CYYR1: variants seen among roughly 807,000 people sequenced by gnomAD.
CYYR1 encodes the protein cysteine and tyrosine-rich protein 1.
CYYR1 carries 14 observed loss-of-function variants against 15.2 expected under a neutral mutation model. The observed-to-expected ratio is 0.92, with a 90% CI of 0.61 to 1.44. The LOEUF (loss-of-function observed/expected upper bound fraction) is 1.44. CYYR1 is among the 40% of genes most tolerant of loss of function. CYYR1 has a pLI of 0.00. For synonymous variants in CYYR1, 80 were observed against 77.4 expected (o/e 1.03, Z -0.18); for missense variants, 228 against 209.5 (o/e 1.09, Z -0.54).
intron 2 of CYYR1, among the ~76,000 whole-genome samples, chr21:26,549,337 A>C (rs1404403827): frequency 6.6e-6 from 1 of 152,194 alleles, no homozygotes; most frequent in East Asian, 1.9e-4. Flanking sequence ...AAGTTTAATG[A>C]ATTTTTAAAA....
chr21:26,498,317 T>C (rs1477027057), intron 2 of CYYR1, among the ~76,000 whole-genome samples: 3 of 152,242 alleles, frequency 2.0e-5, no homozygotes, highest in African/African-American at 7.2e-5. Flanking sequence ...GTCTTTCTTA[T>C]AGGATCACGT....
intron 2 of CYYR1, among the ~76,000 whole-genome samples, chr21:26,554,265 G>A (rs1386599466): frequency 1.3e-5 from 2 of 152,176 alleles, no homozygotes; most frequent in African/African-American, 2.4e-5. Flanking sequence ...CAATGGAGAT[G>A]AGCCATTGGA....
At chr21:26,542,292 T>TTC (rs1978622118) in intron 2 of CYYR1, among the ~76,000 whole-genome samples, 4 of 65,526 alleles carry the variant, frequency 6.1e-5, no homozygotes, top group Non-Finnish European at 1.0e-4. Context: ...TGTGTGTGCG[T>TTC]GTGTGTGTGT....
At chr21:26,512,843 A>C (rs911194123) in intron 2 of CYYR1, among the ~76,000 whole-genome samples, 3 of 152,170 alleles carry the variant, frequency 2.0e-5, no homozygotes, top group Non-Finnish European at 4.4e-5. Context: ...CCCCTAATGC[A>C]TATGAATGGG....
At chr21:26,549,745 G>A (rs1325364365) in intron 2 of CYYR1, among the ~76,000 whole-genome samples, 1 of 152,094 alleles carries the variant, frequency 6.6e-6, no homozygotes, top group Non-Finnish European at 1.5e-5. Flanking sequence ...GCTTTTGAAT[G>A]ATTTAGAATT....
Position 26,573,201 on chromosome 21 carries a change from C to T in CYYR1, c.-261G>A, listed in dbSNP as rs1402649624. The T allele has an allele frequency of 3.2e-5, 46 of 1,447,718 alleles. No homozygotes were observed. The highest frequency in any genetic ancestry group is 3.8e-5 in the Non-Finnish European group (42 of 1,094,982). The allele number at this position is 1,447,718 out of a possible 1,614,324, so 89.7% of individuals were successfully genotyped here. Reference sequence around the variant, plus strand: ...GCCCAGGTCTCTTTGTCTCGCCCCACTGCGCTCAGGCGCGGGGAAGGCGGC... The same window carrying T: ...GCCCAGGTCTCTTTGTCTCGCCCCATTGCGCTCAGGCGCGGGGAAGGCGGC... On this transcript the variant is annotated 5_prime_UTR_variant, in exon 1 of 4. In the 5' UTR this introduces an upstream ATG that the reference lacks. Coordinates refer to ENST00000652641, the MANE Select transcript of CYYR1 (RefSeq NM_001320768.2).
At chr21:26,523,809 C>G (rs1282827360) in intron 2 of CYYR1, among the ~76,000 whole-genome samples, 1 of 152,140 alleles carries the variant, frequency 6.6e-6, no homozygotes, top group Non-Finnish European at 1.5e-5. Context: ...AGTACATTTT[C>G]TGAGCCACAG....
At chr21:26,566,748 G>A (rs1040553297) in intron 1 of CYYR1, among the ~76,000 whole-genome samples, 2 of 152,240 alleles carry the variant, frequency 1.3e-5, no homozygotes, top group Non-Finnish European at 2.9e-5. Context: ...AATGGCTCAC[G>A]CATGTAATCC....
At chr21:26,497,710 A>G (rs925474271) in intron 2 of CYYR1, among the ~76,000 whole-genome samples, 10 of 152,334 alleles carry the variant, frequency 6.6e-5, no homozygotes, top group East Asian at 1.9e-4. Flanking sequence ...GGAGTCATAC[A>G]CACTGCCTCG....
At chr21:26,564,708 A>G (rs1980485567) in intron 2 of CYYR1, 2 of 1,204,016 alleles carry the variant, frequency 1.7e-6, no homozygotes, top group Non-Finnish European at 2.1e-6. Flanking sequence ...AGCACACTCC[A>G]TGATATAGTT....
chr21:26,539,720 A>G (rs774234206), intron 2 of CYYR1, among the ~76,000 whole-genome samples: 3 of 152,176 alleles, frequency 2.0e-5, no homozygotes, highest in Non-Finnish European at 4.4e-5. Context: ...ACTATTTCCC[A>G]GATTTCAAAA....
At chr21:26,537,844 T>C (rs1245732038) in intron 2 of CYYR1, among the ~76,000 whole-genome samples, 1 of 152,042 alleles carries the variant, frequency 6.6e-6, no homozygotes, top group East Asian at 1.9e-4. Context: ...AGCAACCTTA[T>C]CAAAAAACTG....
intron 2 of CYYR1, among the ~76,000 whole-genome samples, chr21:26,519,602 A>G (rs1000323987): frequency 3.9e-5 from 6 of 152,220 alleles, no homozygotes; most frequent in Non-Finnish European, 5.9e-5. Context: ...AAAAAGGGAA[A>G]GTACTGAAGC....
At chr21:26,493,613 T>TG (rs2065357051) in intron 2 of CYYR1, among the ~76,000 whole-genome samples, 1 of 152,128 alleles carries the variant, frequency 6.6e-6, no homozygotes, top group South Asian at 2.1e-4. Flanking sequence ...TATTCCACTG[T>TG]GGAATAGCAC....
At chr21:26,552,586 A>G (rs1172412974) in intron 2 of CYYR1, among the ~76,000 whole-genome samples, 1 of 152,010 alleles carries the variant, frequency 6.6e-6, no homozygotes, top group Non-Finnish European at 1.5e-5. Flanking sequence ...AGTTATAAGA[A>G]TATTTATTAG....
At chr21:26,564,950 T>G (rs138335136) in intron 2 of CYYR1, 1 of 381,924 alleles carries the variant, frequency 2.6e-6, no homozygotes, top group African/African-American at 2.2e-5. Flanking sequence ...TTTGAGCTGA[T>G]AAGTTACTGT....
intron 2 of CYYR1, among the ~76,000 whole-genome samples, chr21:26,564,409 C>T (rs917201940): frequency 1.3e-5 from 2 of 152,128 alleles, no homozygotes; most frequent in African/African-American, 4.8e-5. Flanking sequence ...ATGATGCCAT[C>T]TGTGTTTATT....
Position 26,572,848 on chromosome 21 carries a change from C to T in CYYR1, c.73+20G>A. The T allele has an allele frequency of 1.2e-6, 2 of 1,612,844 alleles. No homozygotes were observed. Among genetic ancestry groups the T allele is most frequent in the South Asian group, 1.1e-5 (1 of 90,958 alleles). ...GCAGCCCCGAGCCTCTGACCCTCTCCGCCGCCCTCCGTCACTGACCTGCGT... is the reference window on the plus strand; with the variant it reads ...GCAGCCCCGAGCCTCTGACCCTCTCTGCCGCCCTCCGTCACTGACCTGCGT... On this transcript the variant is annotated intron_variant, in intron 1 of 3. Coordinates refer to ENST00000652641, the MANE Select transcript of CYYR1 (RefSeq NM_001320768.2).
At chr21:26,555,699 A>G (rs1466497607) in intron 2 of CYYR1, among the ~76,000 whole-genome samples, 3 of 152,126 alleles carry the variant, frequency 2.0e-5, no homozygotes, top group Non-Finnish European at 2.9e-5. Flanking sequence ...GAATCCTATT[A>G]TACCTTATGA....
Sources: gnomAD v4.1 joint callset for allele counts (sites outside exome capture counted in the v4.1 genomes callset) on GRCh38, gnomAD v4.1.1 for gene constraint, MANE v1.5 for transcripts, NCBI Gene and HGNC (gene_info 2026-07-23, HGNC 2026-07-21) for gene names.